CES1: variants seen among roughly 807,000 people sequenced by gnomAD.
CES1 encodes the protein carboxylesterase 1.
Under a neutral mutation model 53.0 loss-of-function variants are expected in CES1, and 50 were observed. That is an observed-to-expected ratio of 0.94 (90% CI 0.75 to 1.19). CES1 has a LOEUF of 1.19. CES1 is among the 50% of genes most tolerant of loss of function. The probability of loss-of-function intolerance (pLI) is 0.00; values close to 1 mark genes in which losing one functional copy is unlikely to be tolerated. For synonymous variants in CES1, 202 were observed against 210.1 expected (o/e 0.96, Z 0.33); for missense variants, 534 against 538.0 (o/e 0.99, Z 0.07).
Position 55,826,140 on chromosome 16 carries a change from C to T in CES1, c.405+11G>A. 1 of 1,613,942 alleles carries T rather than the reference C, an allele frequency of 6.2e-7. No individual in the cohort carries two copies. The highest frequency in any genetic ancestry group is 1.1e-5 in the South Asian group (1 of 91,070). On this transcript the variant is annotated intron_variant, in intron 3 of 13. Transcript: ENST00000360526. The stretch of plus-strand genomic sequence containing the variant: ...ACTGACACGCCTTGACCAGGGGGTC[C>T]CACAACTTACCGGCAGCCTGTTTTT...
rs112837950 is a variant in CES1, at chr16:55,823,759, A to G, written c.406-76T>C. The G allele has an allele frequency of 5.8e-3, 9,222 of 1,603,588 alleles. No individual in the cohort carries two copies. The African/African-American group carries it at 0.1, about 17-fold the overall frequency. ...CACTCAGAAGATGTCTTGTTTGGTG[A>G]CCTACCTGTTGGTTACAACTGAAGG... On this transcript the variant is annotated intron_variant, in intron 3 of 13. Coordinates refer to ENST00000360526, the MANE Select transcript of CES1 (RefSeq NM_001025195.2).
intron 7 of CES1, among the ~76,000 whole-genome samples, chr16:55,817,177 T>G (rs2031980358): frequency 6.6e-6 from 1 of 152,140 alleles, no homozygotes; most frequent in Non-Finnish European, 1.5e-5. Flanking sequence ...ACCCCAAAAC[T>G]TTTGCAGGAA....
chr16:55,832,122 C>T (rs1164058921), intron 1 of CES1, among the ~76,000 whole-genome samples: 1 of 152,146 alleles, frequency 6.6e-6, no homozygotes, highest in African/African-American at 2.4e-5. Flanking sequence ...CAATTAGGAA[C>T]AGCCCCTGTG....
chr16:55,823,125 C>T (rs766565684), intron 4 of CES1, among the ~76,000 whole-genome samples: 12 of 152,058 alleles, frequency 7.9e-5, no homozygotes, highest in African/African-American at 2.9e-4. Flanking sequence ...ACAACATGCC[C>T]TGAGCTCCCT....
intron 9 of CES1, among the ~76,000 whole-genome samples, chr16:55,811,703 C>G (rs1181677249): frequency 1.3e-5 from 2 of 152,164 alleles, no homozygotes; most frequent in Non-Finnish European, 2.9e-5. Flanking sequence ...GCCAGGTCCC[C>G]GAACCCAACT....
rs2032066705 is a variant in CES1 at position 55,819,139 on chromosome 16, TACAG to T, written c.906+392_906+395del. On this transcript the variant is annotated intron_variant, in intron 7 of 13. Transcript: ENST00000360526. Reference sequence around the variant, plus strand: ...AAAACTGGACCACCACTAGGTCTAATACAGACAATTTCTAAGTCAACCAAGATAA... The same window carrying T: ...AAAACTGGACCACCACTAGGTCTAATACAATTTCTAAGTCAACCAAGATAA... Among the ~76,000 whole-genome samples, 5 of 152,370 alleles carry T rather than the reference TACAG, an allele frequency of 3.3e-5. No homozygotes were observed. The South Asian group carries it at 1.0e-3, about 32-fold the overall frequency.
In CES1 at chr16:55,819,659, C is replaced by T. The variant is rs1351484163; in HGVS notation, c.802-20G>A. ...AATTTGCTGCAAAGATCACAGGCAACAACAGAGTTCAAGAGCGACATCCCT... is the reference window on the plus strand; with the variant it reads ...AATTTGCTGCAAAGATCACAGGCAATAACAGAGTTCAAGAGCGACATCCCT... On this transcript the variant is annotated intron_variant, in intron 6 of 13. Coordinates refer to ENST00000360526, the MANE Select transcript of CES1 (RefSeq NM_001025195.2). The T allele has an allele frequency of 1.3e-6, 2 of 1,586,358 alleles. No individual in the cohort carries two copies. Among genetic ancestry groups the T allele is most frequent in the South Asian group, 1.1e-5 (1 of 90,666 alleles).
intron 1 of CES1, among the ~76,000 whole-genome samples, chr16:55,832,569 G>T (rs79914089): frequency 1.9e-4 from 29 of 150,690 alleles, no homozygotes; most frequent in South Asian, 1.1e-3. Context: ...ACGGAATAGC[G>T]CAGTCCCTTG....
At chr16:55,819,463 A>T in intron 7 of CES1, 72 bp downstream of exon 7, 1 of 1,109,120 alleles carries the variant, frequency 9.0e-7, no homozygotes, top group Non-Finnish European at 1.4e-6. Flanking sequence ...GTCCCTGGGC[A>T]AGAGGACAGC....
rs559717555 is a variant in CES1 at position 55,821,413 on chromosome 16, C to G, written c.648G>C (p.Val216=). The part of the protein sequence containing the change: ...IASFGGNPGS[V]TIFGESAGGE... ...CTCCCGCTGACTCTCCAAAGATGGT[C>G]ACAGAGCCTGGGTTCCCTCCAAAGC... The change falls in exon 5 of 14, where the codon GTG becomes GTC. Residue 216 remains valine (V), a synonymous_variant. Coordinates refer to ENST00000360526, the MANE Select transcript of CES1 (RefSeq NM_001025195.2). 2 of 1,614,202 alleles carry G rather than the reference C, an allele frequency of 1.2e-6. No individual in the cohort carries two copies. Among genetic ancestry groups the G allele is most frequent in the Non-Finnish European group, 1.7e-6 (2 of 1,180,050 alleles).
At chr16:55,828,464 A>G (rs1287062592) in intron 2 of CES1, among the ~76,000 whole-genome samples, 1 of 152,224 alleles carries the variant, frequency 6.6e-6, no homozygotes, top group African/African-American at 2.4e-5. Context: ...TCCACGGAGT[A>G]ATTTGCATAT....
chr16:55,820,814 C>T (rs1267916686), intron 5 of CES1, among the ~76,000 whole-genome samples: 2 of 152,098 alleles, frequency 1.3e-5, no homozygotes, highest in African/African-American at 2.4e-5. Flanking sequence ...CTGCCTGCCT[C>T]CCCTAGCCCA....
chr16:55,819,813 T>C (rs2032099370), intron 6 of CES1, among the ~76,000 whole-genome samples, 174 bp from the exon 7 acceptor site: 1 of 152,238 alleles, frequency 6.6e-6, no homozygotes, highest in South Asian at 2.1e-4. Flanking sequence ...CCTCTGTTAC[T>C]AATCTCAATT....
Position 55,832,624 on chromosome 16 carries a change from C to A in CES1, c.52+380G>T, listed in dbSNP as rs373804682. On this transcript the variant is annotated intron_variant, in intron 1 of 13. Transcript: ENST00000360526. Reference sequence around the variant, plus strand: ...GAAGCGCCCAGCGGGGACTCGAACCCACGCACTCTGGCTCCAGAGTCGATG... The same window carrying A: ...GAAGCGCCCAGCGGGGACTCGAACCAACGCACTCTGGCTCCAGAGTCGATG... 8.3e-4 allele frequency among the ~76,000 whole-genome samples: 126 copies of A among 152,320 alleles called. 1 individual carries two copies. The highest frequency in any genetic ancestry group is 2.9e-3 in the African/African-American group (122 of 41,574).
chr16:55,828,858 C>G lies in CES1; in HGVS notation c.169G>C (p.Ala57Pro). 6.2e-7 allele frequency: 1 copy of G among 1,614,252 alleles called. No individual in the cohort carries two copies. Among genetic ancestry groups the G allele is most frequent in the South Asian group, 1.1e-5 (1 of 91,080 alleles). ...CTCAGGGGTCCAAGAGGCGGCTTGG[C>G]AAAAGGGATTCCCAGGAAAATGGCC... ...PVAIFLGIPF[A>P]KPPLGPLRFT... Residue 57 changes from alanine to proline, a missense_variant, in exon 2 of 14, where the codon GCC (alanine) becomes CCC (proline). This residue lies in a region of CES1 where 164 missense variants were observed against 162.4 expected (regional missense o/e 1.01). Coordinates refer to ENST00000360526, the MANE Select transcript of CES1 (RefSeq NM_001025195.2).
Position 55,810,584 on chromosome 16 carries a change from C to A in CES1, c.1251G>T (p.Leu417=). 1.2e-6 allele frequency: 2 copies of A among 1,614,190 alleles called. No individual in the cohort carries two copies. The highest frequency in any genetic ancestry group is 1.7e-6 in the Non-Finnish European group (2 of 1,180,016). The part of the protein sequence containing the change: ...GTDDTVKKKD[L]FLDLIADVMF... ...TCACATCTGCTATCAAGTCCAGGAA[C>A]AGGTCTTTCTTTTTGACAGTGTCGT... The change falls in exon 11 of 14, where the codon CTG becomes CTT. Residue 417 remains leucine, a synonymous_variant. Transcript: ENST00000360526.
chr16:55,832,688 C>T (rs1182072880), intron 1 of CES1, among the ~76,000 whole-genome samples: 1 of 152,226 alleles, frequency 6.6e-6, no homozygotes, highest in East Asian at 1.9e-4. Context: ...GTGATCCAGC[C>T]GTAAGGGGAC....
At chr16:55,830,797 G>GGAAGGAAGGAAA (rs2032618778) in intron 1 of CES1, among the ~76,000 whole-genome samples, 3 of 147,756 alleles carry the variant, frequency 2.0e-5, no homozygotes, top group Admixed American at 1.3e-4. Context: ...AAGGAAGGAA[G>GGAAGGAAGGAAA]GAAGGAAGGA....
intron 1 of CES1, among the ~76,000 whole-genome samples, chr16:55,830,296 T>C (rs764322720): frequency 3.2e-4 from 48 of 152,312 alleles, no homozygotes; most frequent in Non-Finnish European, 5.3e-4. Context: ...TTACAAATAA[T>C]ACTGAGATGA....
Sources: gnomAD v4.1 joint callset for allele counts (sites outside exome capture counted in the v4.1 genomes callset) on GRCh38, gnomAD v4.1.1 for gene constraint, gnomAD v4.1.1 regional missense constraint, MANE v1.5 for transcripts, NCBI Gene and HGNC (gene_info 2026-07-23, HGNC 2026-07-21) for gene names.